CTNNA3: variants seen among roughly 807,000 people sequenced by gnomAD.
The protein encoded by CTNNA3 is catenin alpha-3.
In CTNNA3, 76 loss-of-function variants were observed where a neutral mutation model predicts 95.7. The ratio of observed to expected loss-of-function variants is 0.79; its 90% CI spans 0.66 to 0.96. The LOEUF (loss-of-function observed/expected upper bound fraction) is 0.96, where lower values mean the gene tolerates loss of function less well. CTNNA3 is among the 40% of genes least tolerant of loss of function. The probability of loss-of-function intolerance (pLI) is 0.00; values close to 1 mark genes in which losing one functional copy is unlikely to be tolerated. For synonymous variants in CTNNA3, 431 were observed against 374.4 expected, an observed-to-expected ratio of 1.15 and a Z score of -1.74; for missense variants, 1,191 against 1,089.8, an observed-to-expected ratio of 1.09 and a Z score of -1.31.
At chr10:67,529,883 C>G (rs574513736) in intron 4 of CTNNA3, among the ~76,000 whole-genome samples, 32 of 152,152 alleles carry the variant, frequency 2.1e-4, no homozygotes, top group African/African-American at 7.7e-4. Context: ...ATGGGAGGAA[C>G]CCGGTGGGAG....
chr10:66,101,347 T>C (rs1376204751), intron 14 of CTNNA3, among the ~76,000 whole-genome samples: 1 of 152,196 alleles, frequency 6.6e-6, no homozygotes, highest in African/African-American at 2.4e-5. Context: ...CCAAATACTA[T>C]CTGTCTGGCT....
At chr10:66,152,959 A>C (rs2084280170) in intron 13 of CTNNA3, among the ~76,000 whole-genome samples, 1 of 151,918 alleles carries the variant, frequency 6.6e-6, no homozygotes, top group South Asian at 2.1e-4. Context: ...GACTCTAATT[A>C]AATATATGTT....
chr10:65,974,636 G>A (rs2078175414), intron 16 of CTNNA3, among the ~76,000 whole-genome samples: 1 of 152,004 alleles, frequency 6.6e-6, no homozygotes, highest in Non-Finnish European at 1.5e-5. Flanking sequence ...ACTAATTATT[G>A]GGTACTATGC....
intron 15 of CTNNA3, among the ~76,000 whole-genome samples, chr10:66,067,549 G>T (rs2080337926): frequency 6.6e-6 from 1 of 152,268 alleles, no homozygotes; most frequent in South Asian, 2.1e-4. Flanking sequence ...AAATTTATAT[G>T]TTTTTTCACC....
chr10:65,923,747 C>G (rs559221989), intron 17 of CTNNA3, among the ~76,000 whole-genome samples: 9 of 151,868 alleles, frequency 5.9e-5, no homozygotes, highest in Non-Finnish European at 1.0e-4. Flanking sequence ...AATGTGACAA[C>G]AAAAGACAAC....
At chr10:66,600,166 A>G (rs1049436612) in intron 10 of CTNNA3, among the ~76,000 whole-genome samples, 4 of 81,924 alleles carry the variant, frequency 4.9e-5, no homozygotes, top group African/African-American at 2.7e-4. Flanking sequence ...TAAGTTATAT[A>G]ATTTATTTAA....
chr10:66,736,332 C>T (rs1319190730), intron 9 of CTNNA3, among the ~76,000 whole-genome samples: 2 of 151,700 alleles, frequency 1.3e-5, no homozygotes, highest in Non-Finnish European at 1.5e-5. Flanking sequence ...ACTACAGGCG[C>T]ACGCCGCCAC....
chr10:66,682,840 C>T (rs1324149490), intron 9 of CTNNA3, among the ~76,000 whole-genome samples: 1 of 151,880 alleles, frequency 6.6e-6, no homozygotes, highest in Non-Finnish European at 1.5e-5. Flanking sequence ...GTCAAAAGAC[C>T]TAAATTGAGG....
At chr10:66,256,147 A>G (rs1402018315) in intron 13 of CTNNA3, among the ~76,000 whole-genome samples, 1 of 152,200 alleles carries the variant, frequency 6.6e-6, no homozygotes, top group East Asian at 1.9e-4. Flanking sequence ...GACCGTAAGA[A>G]AACCTGTTAA....
intron 11 of CTNNA3, among the ~76,000 whole-genome samples, chr10:66,384,605 C>A (rs1474873996): frequency 6.6e-6 from 1 of 152,188 alleles, no homozygotes; most frequent in African/African-American, 2.4e-5. Flanking sequence ...TAGACATCTA[C>A]AGAACTCTCC....
intron 7 of CTNNA3, among the ~76,000 whole-genome samples, chr10:67,155,970 C>T (rs1861294897): frequency 6.6e-6 from 1 of 152,004 alleles, no homozygotes; most frequent in Non-Finnish European, 1.5e-5. Context: ...AATCTCTATA[C>T]TAGTTACATA....
upstream of CTNNA3, among the ~76,000 whole-genome samples, chr10:67,697,882 C>T (rs954579929): frequency 6.6e-6 from 1 of 152,152 alleles, no homozygotes; most frequent in African/African-American, 2.4e-5. Flanking sequence ...TCACAGGCCC[C>T]ATGGTCCTCT....
intron 5 of CTNNA3, among the ~76,000 whole-genome samples, chr10:67,434,532 A>C (rs192086924): frequency 1.3e-5 from 2 of 151,938 alleles, no homozygotes; most frequent in African/African-American, 4.8e-5. Flanking sequence ...GCTGAATGGC[A>C]TTTACTGACT....
At chr10:67,146,360 T>C (rs1054611532) in intron 7 of CTNNA3, among the ~76,000 whole-genome samples, 3 of 152,244 alleles carry the variant, frequency 2.0e-5, no homozygotes, top group Non-Finnish European at 4.4e-5. Context: ...AGTGTCTATC[T>C]ATATACCTCT....
At chr10:65,974,498 T>C (rs2126748) in intron 16 of CTNNA3, among the ~76,000 whole-genome samples, 130,721 of 152,164 alleles carry the variant, frequency 0.86, 56,397 homozygotes, top group African/African-American at 0.91. Flanking sequence ...GAACAAAAAC[T>C]CAAATACCAT....
chr10:67,751,187 GC>G, intron 1 of CTNNA3: 1 of 1,274,786 alleles, frequency 7.8e-7, no homozygotes, highest in Non-Finnish European at 1.1e-6. Flanking sequence ...GTAACATGTT[GC>G]AATCCTCTCA....
At chr10:66,579,134 T>C (rs566071159) in intron 10 of CTNNA3, among the ~76,000 whole-genome samples, 5 of 151,990 alleles carry the variant, frequency 3.3e-5, no homozygotes, top group South Asian at 2.1e-4. Context: ...CAGCTGTTCA[T>C]AATAGTCTCT....
At chr10:67,388,530 C>G (rs1344845347) in intron 5 of CTNNA3, among the ~76,000 whole-genome samples, 2 of 138,234 alleles carry the variant, frequency 1.4e-5, no homozygotes, top group African/African-American at 5.5e-5. Context: ...GCAAGGCAGG[C>G]CAACGTTCAG....
chr10:67,609,898 G>T (rs377759853), intron 2 of CTNNA3, among the ~76,000 whole-genome samples: 2 of 152,138 alleles, frequency 1.3e-5, no homozygotes, highest in South Asian at 2.1e-4. Context: ...AGCTAAATAA[G>T]ATCATGTGTC....
Sources: gnomAD v4.1 joint callset for allele counts (sites outside exome capture counted in the v4.1 genomes callset) on GRCh38, gnomAD v4.1.1 for gene constraint, MANE v1.5 for transcripts, NCBI Gene and HGNC (gene_info 2026-07-23, HGNC 2026-07-21) for gene names.